Variants in ANKHD1 observed in about 807,000 individuals in gnomAD.
ANKHD1 encodes ankyrin repeat and KH domain-containing protein 1.
Under a neutral mutation model 230.5 loss-of-function variants are expected in ANKHD1, and 31 were observed. That is an observed-to-expected ratio of 0.13 (90% CI 0.10 to 0.18). The LOEUF is 0.18. Among genes scored for constraint, ANKHD1 ranks in the 10% least tolerant of loss-of-function variants. The pLI, the probability that ANKHD1 is intolerant of heterozygous loss-of-function variation, is 1.00. For missense variants in ANKHD1, 2,256 were observed against 3,071.3 expected (o/e 0.73, Z 6.27); for synonymous variants, 1,074 against 1,117.6 (o/e 0.96, Z 0.78).
Position 140,527,803 on chromosome 5 carries a change from T to C in ANKHD1, c.5088-70T>C, listed in dbSNP as rs534466806. 17 of 1,483,648 alleles carry C rather than the reference T, an allele frequency of 1.1e-5. No individual in the cohort carries two copies. The highest frequency in any genetic ancestry group is 1.4e-5 in the Non-Finnish European group (16 of 1,117,418). The allele number at this position is 1,483,648 out of a possible 1,614,324, so 91.9% of individuals were successfully genotyped here. ...TTCTCCAAAATGTCCATGAACATAC[T>C]TACTAAGACATCTTTCTTAATAAAG... On this transcript the variant is annotated intron_variant, in intron 27 of 33. Coordinates refer to ENST00000360839, the MANE Select transcript of ANKHD1 (RefSeq NM_017747.3). This position sits in a 1 kb window ranked among gnomAD's most constrained non-coding sequence, Gnocchi z 4.5.
At position 140,516,869 on chromosome 5, in the gene ANKHD1, A is replaced by G. The variant is rs532847566; in HGVS notation, c.4317+3390A>G. 1.2e-3 allele frequency among the ~76,000 whole-genome samples: 186 copies of G among 152,212 alleles called. 3 individuals carry two copies. The East Asian group carries it at 0.029, about 24-fold the overall frequency. ...TGTAAAGACCATCGAGACTAGGAAG[A>G]AACTGCATCAACTAACGAGCAAAAT... On this transcript the variant is annotated intron_variant, in intron 24 of 33. Transcript: ENST00000360839.
chr5:140,475,256 C>T (rs961795606), intron 10 of ANKHD1, among the ~76,000 whole-genome samples: 5 of 152,022 alleles, frequency 3.3e-5, no homozygotes, highest in Admixed American at 2.0e-4. Flanking sequence ...TAAAGATCTC[C>T]GTGGACTAGA....
chr5:140,482,713 GA>G (rs751651402), intron 11 of ANKHD1, 46 bp downstream of exon 11: 117 of 1,571,244 alleles, frequency 7.4e-5, no homozygotes, highest in South Asian at 3.9e-4. Flanking sequence ...ACAGTTTATG[GA>G]AAAAAAAATC....
chr5:140,408,785 C>T (rs1770688983), intron 1 of ANKHD1, among the ~76,000 whole-genome samples: 1 of 152,176 alleles, frequency 6.6e-6, no homozygotes, highest in South Asian at 2.1e-4. Flanking sequence ...GTGGCATGGT[C>T]ATAACTCTAT....
chr5:140,485,395 A>G lies in ANKHD1; in HGVS notation c.1998+147A>G. The stretch of plus-strand genomic sequence containing the variant: ...AACATAAGGAGACCCCATCTCTATT[A>G]AAACACACACACACACACACACACA... On this transcript the variant is annotated intron_variant, in intron 12 of 33. Coordinates refer to ENST00000360839, the MANE Select transcript of ANKHD1 (RefSeq NM_017747.3). The surrounding 1 kb of genome is among the most constrained non-coding windows in gnomAD (Gnocchi z 4.8). 1 of 353,474 alleles carries G rather than the reference A, an allele frequency of 2.8e-6. No homozygotes were observed. The highest frequency in any genetic ancestry group is 3.8e-6 in the Non-Finnish European group (1 of 259,790). The allele number at this position is 353,474 out of a possible 1,614,324, so 21.9% of individuals were successfully genotyped here.
At position 140,427,629 on chromosome 5, in the gene ANKHD1, G is replaced by A. The variant is rs1280917240; in HGVS notation, c.307-8475G>A. Among the ~76,000 whole-genome samples the A allele has an allele frequency of 2.7e-5, 4 of 148,106 alleles. No homozygotes were observed. In the South Asian group the frequency reaches 8.4e-4, roughly 31 times the overall value. On this transcript the variant is annotated intron_variant, in intron 1 of 33. Coordinates refer to ENST00000360839, the MANE Select transcript of ANKHD1 (RefSeq NM_017747.3). ...CCCCCACCTCCCTCCCGGACGGGGC[G>A]GCTGGCCGGGCGGGGGGCTGACCCC...
At chr5:140,419,454 CTTT>C (rs144115557) in intron 1 of ANKHD1, among the ~76,000 whole-genome samples, 1 of 131,604 alleles carries the variant, frequency 7.6e-6, no homozygotes, top group African/African-American at 2.9e-5. Context: ...TTCTTTCTTT[CTTT>C]TTTTTTTTTT....
chr5:140,458,254 TGGCAGTA>T (rs1442015543), intron 7 of ANKHD1, among the ~76,000 whole-genome samples: 1 of 152,176 alleles, frequency 6.6e-6, no homozygotes. Flanking sequence ...GTATTTGACC[TGGCAGTA>T]GTATAATCTT....
Position 140,529,581 on chromosome 5 carries a change from A to G in ANKHD1, c.6635A>G (p.His2212Arg). ...TTTGGCCCAGCCACACTTTTCAATC[A>G]CTTCAGCAGTCTTTTTGATAGTAGT... ...PTFGPATLFN[H>R]FSSLFDSSQV... Residue 2212 changes from histidine (H) to arginine (R), a missense_variant, in exon 29 of 34, where the codon CAC (histidine) becomes CGC (arginine). By Grantham distance (29) the His-to-Arg change is conservative (BLOSUM62 0). This residue lies in a region of ANKHD1 where 778 missense variants were observed against 966.5 expected (regional missense o/e 0.80). Coordinates refer to ENST00000360839, the MANE Select transcript of ANKHD1 (RefSeq NM_017747.3). 1 of 1,614,132 alleles carries G rather than the reference A, an allele frequency of 6.2e-7. No individual in the cohort carries two copies. Among genetic ancestry groups the G allele is most frequent in the Non-Finnish European group, 8.5e-7 (1 of 1,180,022 alleles).
At chr5:140,450,794 T>G (rs1774672497) in intron 7 of ANKHD1, among the ~76,000 whole-genome samples, 1 of 152,068 alleles carries the variant, frequency 6.6e-6, no homozygotes, top group Non-Finnish European at 1.5e-5. Flanking sequence ...ATTATTATTA[T>G]TTTGTTGGAA....
Position 140,506,997 on chromosome 5 carries a change from T to C in ANKHD1, c.3551+20T>C. On this transcript the variant is annotated intron_variant, in intron 19 of 33. Coordinates refer to ENST00000360839, the MANE Select transcript of ANKHD1 (RefSeq NM_017747.3). The surrounding 1 kb of genome is among the most constrained non-coding windows in gnomAD (Gnocchi z 4.7). ...TTCAAGGTATTGCCTGTTCATTTTATTGTTCATGTTTAGTAAGTTACTACT... is the reference window on the plus strand; with the variant it reads ...TTCAAGGTATTGCCTGTTCATTTTACTGTTCATGTTTAGTAAGTTACTACT... 6.2e-7 allele frequency: 1 copy of C among 1,610,484 alleles called. No individual in the cohort carries two copies. Among genetic ancestry groups the C allele is most frequent in the East Asian group, 2.2e-5 (1 of 44,836 alleles).
At position 140,507,074 on chromosome 5, in the gene ANKHD1, A is replaced by G; in HGVS notation, c.3551+97A>G. Reference sequence around the variant, plus strand: ...GTTTAGACAGATACATTTTAAATTAAGATAGTACTAAAGTTGCAAAGCCAA... The same window carrying G: ...GTTTAGACAGATACATTTTAAATTAGGATAGTACTAAAGTTGCAAAGCCAA... On this transcript the variant is annotated intron_variant, in intron 19 of 33. Transcript: ENST00000360839. The surrounding 1 kb of genome is among the most constrained non-coding windows in gnomAD (Gnocchi z 4.1). The G allele has an allele frequency of 6.6e-7, 1 of 1,517,622 alleles. No individual in the cohort carries two copies. The highest frequency in any genetic ancestry group is 8.8e-7 in the Non-Finnish European group (1 of 1,139,592). The allele number at this position is 1,517,622 out of a possible 1,614,324, so 94.0% of individuals were successfully genotyped here.
chr5:140,530,000 T>C (rs1343860834), intron 29 of ANKHD1, among the ~76,000 whole-genome samples: 6 of 152,044 alleles, frequency 3.9e-5, no homozygotes, highest in African/African-American at 1.4e-4. Flanking sequence ...TCTATTCATA[T>C]TAATAAAAAA....
In ANKHD1 at chr5:140,401,884, T is replaced by A. The variant is rs752261898; in HGVS notation, c.-84T>A. Reference sequence around the variant, plus strand: ...ACGGGGGAAAGGAGACGCTTCTTCCTCTTGCTGCTCTTCTCGTTCCCGAGA... The same window carrying A: ...ACGGGGGAAAGGAGACGCTTCTTCCACTTGCTGCTCTTCTCGTTCCCGAGA... On this transcript the variant is annotated 5_prime_UTR_variant, in exon 1 of 34. Transcript: ENST00000360839. 88 of 1,476,686 alleles carry A rather than the reference T, an allele frequency of 6.0e-5. No individual in the cohort carries two copies. The highest frequency in any genetic ancestry group is 7.6e-5 in the Non-Finnish European group (85 of 1,121,650). The allele number at this position is 1,476,686 out of a possible 1,614,324, so 91.5% of individuals were successfully genotyped here.
chr5:140,492,589 A>C (rs1054579582), intron 14 of ANKHD1, among the ~76,000 whole-genome samples: 1 of 152,164 alleles, frequency 6.6e-6, no homozygotes, highest in Non-Finnish European at 1.5e-5. Context: ...GCACTGTGTT[A>C]TTTTTAGTTA....
intron 24 of ANKHD1, among the ~76,000 whole-genome samples, chr5:140,516,426 T>C (rs1374938884): frequency 1.3e-5 from 2 of 151,936 alleles, no homozygotes; most frequent in Non-Finnish European, 2.9e-5. Flanking sequence ...AACATTCCGA[T>C]TCAGGAAATA....
intron 1 of ANKHD1, among the ~76,000 whole-genome samples, chr5:140,412,181 T>A (rs1375885092): frequency 2.0e-5 from 3 of 151,930 alleles, no homozygotes; most frequent in African/African-American, 7.3e-5. Flanking sequence ...GGATTACAGG[T>A]GCGTGCCACC....
At chr5:140,449,173 T>C (rs1184962517) in intron 6 of ANKHD1, 38 bp from the exon 7 acceptor site, 19 of 1,553,094 alleles carry the variant, frequency 1.2e-5, no homozygotes, top group Non-Finnish European at 1.7e-5. Context: ...ATTAAACTGA[T>C]AGTGAATTCT....
intron 3 of ANKHD1, 144 bp from the exon 4 acceptor site, chr5:140,439,975 G>A (rs1773735526): frequency 7.6e-6 from 8 of 1,053,068 alleles, no homozygotes; most frequent in Non-Finnish European, 9.9e-6. Context: ...CAGACAAAAT[G>A]CTCAGCAAGT....
Sources: allele counts gnomAD v4.1 joint callset (sites outside exome capture counted in the v4.1 genomes callset), GRCh38; gene constraint gnomAD v4.1.1; regional missense constraint gnomAD v4.1.1; non-coding constraint Gnocchi (gnomAD v3.1); transcripts MANE v1.5; gene names NCBI Gene and HGNC (gene_info 2026-07-23, HGNC 2026-07-21).